Variants in HEG1 observed in about 807,000 individuals in gnomAD.
HEG1 encodes protein HEG homolog 1.
In HEG1, 56 loss-of-function variants were observed where a neutral mutation model predicts 125.6. The observed-to-expected ratio is 0.45, with a 90% confidence interval of 0.36 to 0.56. The LOEUF is 0.56. HEG1 is among the 20% of genes least tolerant of loss of function. The probability of loss-of-function intolerance (pLI) is 0.00; values close to 1 mark genes in which losing one functional copy is unlikely to be tolerated. For missense variants in HEG1, 1,523 were observed against 1,670.0 expected (o/e 0.91, Z 1.53); for synonymous variants, 644 against 668.5 (o/e 0.96, Z 0.57).
intron 3 of HEG1, among the ~76,000 whole-genome samples, chr3:125,023,645 G>A (rs1937370416): frequency 7.1e-6 from 1 of 140,268 alleles, no homozygotes; most frequent in Middle Eastern, 3.6e-3. Flanking sequence ...ATTACTAAAT[G>A]AGCACCTGTT....
chr3:125,042,078 A>T (rs1420921478), intron 1 of HEG1, among the ~76,000 whole-genome samples: 1 of 152,244 alleles, frequency 6.6e-6, no homozygotes, highest in Non-Finnish European at 1.5e-5. Context: ...GTATACTTAA[A>T]AATGGTTAAA....
intron 11 of HEG1, among the ~76,000 whole-genome samples, chr3:125,001,438 C>T (rs1936997702): frequency 6.6e-6 from 1 of 152,140 alleles, no homozygotes; most frequent in Non-Finnish European, 1.5e-5. Context: ...GCCACTGCCT[C>T]TGGCCAGATG....
At chr3:125,014,395 C>T (rs1366957240) in intron 5 of HEG1, among the ~76,000 whole-genome samples, 2 of 152,162 alleles carry the variant, frequency 1.3e-5, no homozygotes, top group Non-Finnish European at 2.9e-5. Context: ...GGAAAATCTT[C>T]CCAACTTTCC....
chr3:125,048,233 T>C (rs1055053775), intron 1 of HEG1, among the ~76,000 whole-genome samples: 6 of 152,258 alleles, frequency 3.9e-5, no homozygotes, highest in Non-Finnish European at 7.3e-5. Flanking sequence ...CCATTTTTAA[T>C]AGCCTCTAGA....
intron 3 of HEG1, among the ~76,000 whole-genome samples, chr3:125,024,573 G>A (rs1414535816): frequency 2.6e-5 from 4 of 152,196 alleles, no homozygotes; most frequent in African/African-American, 7.2e-5. Context: ...AAAGCAGCAA[G>A]AAAAACAATT....
In HEG1 at chr3:125,021,121, C is replaced by T. The variant is rs769574555; in HGVS notation, c.923G>A (p.Ser308Asn). ...AGTGGAGTTGTTAAGCTTCTCTGTACTTTCAGAAGCTACAATGGAAAAAGA... is the reference window on the plus strand; with the variant it reads ...AGTGGAGTTGTTAAGCTTCTCTGTATTTTCAGAAGCTACAATGGAAAAAGA... Reference protein sequence around the residue: ...PLLDLSSSSESTEKLNNSTGL... With the variant: ...PLLDLSSSSENTEKLNNSTGL... Residue 308 changes from serine to asparagine, a missense_variant, in exon 4 of 17, where the codon AGT (serine) becomes AAT (asparagine). By Grantham distance (46) the Ser-to-Asn change is conservative. Coordinates refer to ENST00000311127, the MANE Select transcript of HEG1 (RefSeq NM_020733.2). 5 of 1,556,954 alleles carry T rather than the reference C, an allele frequency of 3.2e-6. No homozygotes were observed. The South Asian group carries it at 3.5e-5, about 11-fold the overall frequency.
Position 125,027,510 on chromosome 3 carries a change from G to C in HEG1, c.611-3C>G. 6.3e-7 allele frequency: 1 copy of C among 1,583,332 alleles called. No homozygotes were observed. Among genetic ancestry groups the C allele is most frequent in the East Asian group, 2.2e-5 (1 of 44,694 alleles). ...TGGCAGGTGAAGACTTTCTGAGGCTGAAAACAGACAAAAACAATTAGAATT... is the reference window on the plus strand; with the variant it reads ...TGGCAGGTGAAGACTTTCTGAGGCTCAAAACAGACAAAAACAATTAGAATT... On this transcript the variant is annotated splice_region_variant and splice_polypyrimidine_tract_variant and intron_variant, in intron 2 of 16. Transcript: ENST00000311127.
chr3:125,000,015 T>C (rs547031871), intron 11 of HEG1, among the ~76,000 whole-genome samples: 1 of 152,274 alleles, frequency 6.6e-6, no homozygotes, highest in Non-Finnish European at 1.5e-5. Context: ...CACCCAGATG[T>C]CAGAAGCTGT....
intron 1 of HEG1, among the ~76,000 whole-genome samples, chr3:125,044,731 A>T (rs1019217914): frequency 9.2e-5 from 14 of 152,226 alleles, no homozygotes; most frequent in Admixed American, 5.2e-4. Context: ...AAGAAAGGGC[A>T]AAACTAAGAC....
rs778681150 is a variant in HEG1, at chr3:124,973,937, A to C, written c.3822-32T>G. 3 of 1,512,804 alleles carry C rather than the reference A, an allele frequency of 2.0e-6. No homozygotes were observed. In the South Asian group the frequency reaches 3.5e-5, roughly 18 times the overall value. The allele number at this position is 1,512,804 out of a possible 1,614,324, so 93.7% of individuals were successfully genotyped here. On this transcript the variant is annotated intron_variant, in intron 15 of 16. Transcript: ENST00000311127. ...GATACAAAAATATTTGTAAAGCTCA[A>C]TTCCGTAAAGAAGTGATACTGTGAA...
chr3:125,035,909 A>G (rs1286234462), intron 1 of HEG1, among the ~76,000 whole-genome samples: 1 of 152,146 alleles, frequency 6.6e-6, no homozygotes, highest in Non-Finnish European at 1.5e-5. Context: ...TGAAAAATGC[A>G]TTTAAAATAC....
chr3:125,031,187 A>C (rs1380017040), intron 1 of HEG1, among the ~76,000 whole-genome samples: 1 of 152,148 alleles, frequency 6.6e-6, no homozygotes, highest in Non-Finnish European at 1.5e-5. Flanking sequence ...AGTCACGTCC[A>C]AGAAAGCTGC....
intron 11 of HEG1, among the ~76,000 whole-genome samples, chr3:124,998,114 C>T (rs1283129399): frequency 6.6e-6 from 1 of 152,162 alleles, no homozygotes; most frequent in African/African-American, 2.4e-5. Context: ...AATAAACAGG[C>T]CCTGTTCACT....
chr3:125,017,236 G>A (rs1168574175), intron 5 of HEG1, among the ~76,000 whole-genome samples: 1 of 152,106 alleles, frequency 6.6e-6, no homozygotes, highest in Non-Finnish European at 1.5e-5. Flanking sequence ...TGTATTTTTA[G>A]TAGAGACAGG....
Position 125,012,639 on chromosome 3 carries a change from C to T in HEG1, c.2940G>A (p.Val980=). The T allele has an allele frequency of 6.2e-7, 1 of 1,613,186 alleles. No individual in the cohort carries two copies. Among genetic ancestry groups the T allele is most frequent in the Non-Finnish European group, 8.5e-7 (1 of 1,179,598 alleles). The change falls in exon 6 of 17, where the codon GTG becomes GTA. Residue 980 remains valine, a synonymous_variant. Coordinates refer to ENST00000311127, the MANE Select transcript of HEG1 (RefSeq NM_020733.2). The part of the protein sequence containing the change: ...VQSSTQSPTT[V]SSSASVNSCA... Reference sequence around the variant, plus strand: ...GTGTTTTACCTGAGGCTGAAGAGGACACTGTTGTTGGTGACTGTGTGCTGC... The same window carrying T: ...GTGTTTTACCTGAGGCTGAAGAGGATACTGTTGTTGGTGACTGTGTGCTGC...
In HEG1 at chr3:124,970,593, C is replaced by G; in HGVS notation, c.*59G>C. The G allele has an allele frequency of 6.7e-7, 1 of 1,500,688 alleles. No homozygotes were observed. Among genetic ancestry groups the G allele is most frequent in the Non-Finnish European group, 9.1e-7 (1 of 1,104,302 alleles). The allele number at this position is 1,500,688 out of a possible 1,614,324, so 93.0% of individuals were successfully genotyped here. A position where few individuals can be genotyped will look rare whatever the true frequency, so the allele number is the denominator to read the frequency against. Reference sequence around the variant, plus strand: ...CTGGGCGCAGCCTCCTGGTGCGGTCCTCTGAGCAGAGGTCCCAGGTGACTG... The same window carrying G: ...CTGGGCGCAGCCTCCTGGTGCGGTCGTCTGAGCAGAGGTCCCAGGTGACTG... On this transcript the variant is annotated 3_prime_UTR_variant, in exon 17 of 17. Transcript: ENST00000311127.
intron 14 of HEG1, among the ~76,000 whole-genome samples, chr3:124,982,515 T>C (rs1936672620): frequency 6.6e-6 from 1 of 152,238 alleles, no homozygotes; most frequent in South Asian, 2.1e-4. Flanking sequence ...TCCTACTTTC[T>C]TCTTGGCATT....
intron 1 of HEG1, among the ~76,000 whole-genome samples, chr3:125,036,712 A>C (rs1937551235): frequency 6.6e-6 from 1 of 152,236 alleles, no homozygotes; most frequent in African/African-American, 2.4e-5. Context: ...ACATGAAAGC[A>C]TTGTTGAAAA....
At chr3:124,993,732 C>A (rs1227063888) in intron 12 of HEG1, among the ~76,000 whole-genome samples, 1 of 152,218 alleles carries the variant, frequency 6.6e-6, no homozygotes, top group Non-Finnish European at 1.5e-5. Context: ...CCCCACCCAA[C>A]ATTAGACTTC....
Sources: allele counts gnomAD v4.1 joint callset (sites outside exome capture counted in the v4.1 genomes callset), GRCh38; gene constraint gnomAD v4.1.1; transcripts MANE v1.5; gene names NCBI Gene and HGNC (gene_info 2026-07-23, HGNC 2026-07-21).